The following SCN8A variants were observed in gnomAD, a reference collection of about 807,000 sequenced individuals.
SCN8A encodes sodium voltage-gated channel alpha subunit 8, also known as sodium channel protein type 8 subunit alpha.
Under a neutral mutation model 184.1 loss-of-function variants are expected in SCN8A, and 30 were observed. The ratio of observed to expected loss-of-function variants is 0.16; its 90% CI spans 0.12 to 0.22. The LOEUF (loss-of-function observed/expected upper bound fraction) is 0.22, where lower values mean the gene tolerates loss of function less well. SCN8A is among the 10% of genes least tolerant of loss of function. The probability of loss-of-function intolerance (pLI) is 1.00; values close to 1 mark genes in which losing one functional copy is unlikely to be tolerated. For missense variants in SCN8A, 1,057 were observed against 2,498.9 expected, an observed-to-expected ratio of 0.42 and a Z score of 12.30; for synonymous variants, 852 against 907.0, an observed-to-expected ratio of 0.94 and a Z score of 1.09.
intron 3 of SCN8A, 106 bp from the exon 4 acceptor site, chr12:51,686,262 C>T: frequency 1.4e-6 from 1 of 724,516 alleles, no homozygotes; most frequent in Non-Finnish European, 2.4e-6. Flanking sequence ...GCTTCATCTC[C>T]TTTCAGGTTA....
At chr12:51,790,249 A>G in intron 24 of SCN8A, 149 bp from the exon 25 acceptor site, 1 of 536,078 alleles carries the variant, frequency 1.9e-6, no homozygotes, top group Non-Finnish European at 3.3e-6. Context: ...CTGAATGATT[A>G]TCGCGGGTCT....
At chr12:51,639,684 A>G (rs541706001) in intron 1 of SCN8A, among the ~76,000 whole-genome samples, 5 of 152,144 alleles carry the variant, frequency 3.3e-5, no homozygotes, top group African/African-American at 9.6e-5. Flanking sequence ...AGGAAACTTC[A>G]TTGTTGTCTT....
chr12:51,677,514 G>C (rs117944156), intron 2 of SCN8A, among the ~76,000 whole-genome samples: 2,001 of 152,106 alleles, frequency 0.013, 19 homozygotes, highest in Non-Finnish European at 0.021. Context: ...TCATTGTTTT[G>C]CATTTGCAGT....
intron 12 of SCN8A, among the ~76,000 whole-genome samples, chr12:51,724,342 G>C (rs991497086): frequency 3.9e-5 from 6 of 152,072 alleles, no homozygotes; most frequent in African/African-American, 1.4e-4. Context: ...GGCTACTTGG[G>C]AAGCCAAGGC....
intron 1 of SCN8A, among the ~76,000 whole-genome samples, chr12:51,660,046 TA>T (rs1940896721): frequency 6.6e-6 from 1 of 152,132 alleles, no homozygotes; most frequent in African/African-American, 2.4e-5. Context: ...ATGAGATCCC[TA>T]AAAGACTGTA....
Position 51,806,902 on chromosome 12 carries a change from T to C in SCN8A, c.5416T>C (p.Cys1806Arg), listed in dbSNP as rs1207848408. 4.3e-6 allele frequency: 7 copies of C among 1,613,470 alleles called. No homozygotes were observed. The highest frequency in any genetic ancestry group is 2.2e-5 in the East Asian group (1 of 44,876). ...DPDATQFIEY[C>R]KLADFADALE... ...CGATGCCACCCAGTTCATTGAGTACTGTAAGCTGGCAGACTTTGCAGATGC... is the reference window on the plus strand; with the variant it reads ...CGATGCCACCCAGTTCATTGAGTACCGTAAGCTGGCAGACTTTGCAGATGC... The change falls in exon 27 of 27, where the codon TGT (cysteine) becomes CGT (arginine). Residue 1806 changes from cysteine to arginine, a missense_variant. By Grantham distance (180) the Cys-to-Arg change is radical. This residue lies in a region of SCN8A where 50 missense variants were observed against 125.8 expected (regional missense o/e 0.40). Coordinates refer to ENST00000627620, the MANE Select transcript of SCN8A (RefSeq NM_001330260.2). The surrounding 1 kb of genome is among the most constrained non-coding windows in gnomAD (Gnocchi z 8.7).
At chr12:51,749,441 G>A (rs1187128842) in intron 13 of SCN8A, among the ~76,000 whole-genome samples, 5 of 152,198 alleles carry the variant, frequency 3.3e-5, no homozygotes, top group African/African-American at 1.2e-4. Context: ...GTTTGGAGAA[G>A]GGAGGAGATA....
chr12:51,626,324 C>T (rs1468025381), intron 1 of SCN8A, among the ~76,000 whole-genome samples: 2 of 151,938 alleles, frequency 1.3e-5, no homozygotes, highest in African/African-American at 2.4e-5. Flanking sequence ...ACAACTTTGG[C>T]CATTAGTTTG....
At chr12:51,614,992 A>G (rs1337585726) in intron 1 of SCN8A, among the ~76,000 whole-genome samples, 1 of 152,136 alleles carries the variant, frequency 6.6e-6, no homozygotes, top group African/African-American at 2.4e-5. Context: ...GTTTATGCCC[A>G]TTGATTAGTA....
chr12:51,776,879 A>C (rs1937720597), intron 20 of SCN8A, among the ~76,000 whole-genome samples: 1 of 152,226 alleles, frequency 6.6e-6, no homozygotes, highest in African/African-American at 2.4e-5. Context: ...GTTGCCTCTT[A>C]AAGCTGTGAG....
intron 26 of SCN8A, among the ~76,000 whole-genome samples, chr12:51,797,834 T>C (rs1938451643): frequency 6.6e-6 from 1 of 152,214 alleles, no homozygotes; most frequent in Non-Finnish European, 1.5e-5. Context: ...GTGGCCATCT[T>C]AACTTCAGGT....
Position 51,645,963 on chromosome 12 carries a change from A to AATAAT in SCN8A, c.-54-16800_-54-16799insTAATA, listed in dbSNP as rs1555212656. Among the ~76,000 whole-genome samples the AATAAT allele has an allele frequency of 6.0e-5, 8 of 134,088 alleles. 1 individual carries two copies. Among genetic ancestry groups the AATAAT allele is most frequent in the African/African-American group, 2.0e-4 (7 of 34,770 alleles). The allele number at this position is 134,088 out of a possible 152,430, so 88.0% of individuals were successfully genotyped here. ...AGAATGATCAATTAAAAAAAAAAAA[A>AATAAT]AATAATAATAAAATAAAATTAAATA... On this transcript the variant is annotated intron_variant, in intron 1 of 26. Coordinates refer to ENST00000627620, the MANE Select transcript of SCN8A (RefSeq NM_001330260.2).
At position 51,760,092 on chromosome 12, in the gene SCN8A, G is replaced by A. The variant is rs550751149; in HGVS notation, c.2371-2411G>A. Among the ~76,000 whole-genome samples, 3 of 152,308 alleles carry A rather than the reference G, an allele frequency of 2.0e-5. No individual in the cohort carries two copies. The East Asian group carries it at 5.8e-4, about 29-fold the overall frequency. Reference sequence around the variant, plus strand: ...TCAGACCTTGCTGCCCAACAGTGTTGCATTGGGGATTAAGTTTTAATACAT... The same window carrying A: ...TCAGACCTTGCTGCCCAACAGTGTTACATTGGGGATTAAGTTTTAATACAT... On this transcript the variant is annotated intron_variant, in intron 14 of 26. Coordinates refer to ENST00000627620, the MANE Select transcript of SCN8A (RefSeq NM_001330260.2).
Position 51,788,756 on chromosome 12 carries a change from T to G in SCN8A, c.4281+8T>G. ...GCTGTAGATTCCCGGAAGGTAAGGATGTACATGGCGAAAATACCACCTTCT... is the reference window on the plus strand; with the variant it reads ...GCTGTAGATTCCCGGAAGGTAAGGAGGTACATGGCGAAAATACCACCTTCT... On this transcript the variant is annotated splice_region_variant and intron_variant, in intron 23 of 26. Coordinates refer to ENST00000627620, the MANE Select transcript of SCN8A (RefSeq NM_001330260.2). The G allele has an allele frequency of 6.2e-7, 1 of 1,608,608 alleles. No homozygotes were observed. The highest frequency in any genetic ancestry group is 8.5e-7 in the Non-Finnish European group (1 of 1,177,080).
At chr12:51,743,108 C>G (rs1435459044) in intron 12 of SCN8A, among the ~76,000 whole-genome samples, 1 of 152,038 alleles carries the variant, frequency 6.6e-6, no homozygotes, top group Non-Finnish European at 1.5e-5. Flanking sequence ...TGCTGAATTC[C>G]TTCTCTGTGT....
At chr12:51,641,032 A>C (rs974957918) in intron 1 of SCN8A, among the ~76,000 whole-genome samples, 2 of 152,230 alleles carry the variant, frequency 1.3e-5, no homozygotes. Context: ...TTGGAAATGC[A>C]GTTGGCTCTC....
intron 2 of SCN8A, among the ~76,000 whole-genome samples, chr12:51,671,920 A>T (rs897212746): frequency 1.3e-5 from 2 of 152,204 alleles, no homozygotes; most frequent in Admixed American, 1.3e-4. Flanking sequence ...AGTTTGGCCT[A>T]TGGAACCAAG....
chr12:51,793,613 G>C (rs1938326850), intron 25 of SCN8A, among the ~76,000 whole-genome samples: 2 of 152,138 alleles, frequency 1.3e-5, no homozygotes, highest in African/African-American at 4.8e-5. Context: ...TGGCAGATGA[G>C]ACCAAAAAAG....
chr12:51,790,539 C>A, intron 25 of SCN8A, 37 bp downstream of exon 25: 1 of 1,377,770 alleles, frequency 7.3e-7, no homozygotes, highest in Non-Finnish European at 1.0e-6. Flanking sequence ...TTGGTGAGAA[C>A]CCATATAGGA....
Sources: gnomAD v4.1 joint callset for allele counts (sites outside exome capture counted in the v4.1 genomes callset) on GRCh38, gnomAD v4.1.1 for gene constraint, gnomAD v4.1.1 regional missense constraint, Gnocchi (gnomAD v3.1) non-coding constraint, MANE v1.5 for transcripts, NCBI Gene and HGNC (gene_info 2026-07-23, HGNC 2026-07-21) for gene names.